Variants in ANKS1B observed in about 807,000 individuals in gnomAD.
ANKS1B encodes ankyrin repeat and sterile alpha motif domain-containing protein 1B.
ANKS1B carries 36 observed loss-of-function variants against 148.3 expected under a neutral mutation model. The observed-to-expected ratio is 0.24, with a 90% CI of 0.19 to 0.32. The LOEUF is 0.32. Among genes scored for constraint, ANKS1B ranks in the 10% least tolerant of loss-of-function variants. The pLI, the probability that ANKS1B is intolerant of heterozygous loss-of-function variation, is 1.00. For synonymous variants in ANKS1B, 542 were observed against 560.8 expected (o/e 0.97, Z 0.47); for missense variants, 1,157 against 1,542.6 (o/e 0.75, Z 4.19).
At chr12:98,979,407 A>G (rs1289538950) in intron 17 of ANKS1B, among the ~76,000 whole-genome samples, 1 of 151,682 alleles carries the variant, frequency 6.6e-6, no homozygotes, top group East Asian at 2.0e-4. Context: ...AGCTGGGACT[A>G]CAGGTGCATG....
chr12:99,333,289 A>T (rs943490797), intron 12 of ANKS1B, among the ~76,000 whole-genome samples: 1 of 152,072 alleles, frequency 6.6e-6, no homozygotes, highest in African/African-American at 2.4e-5. Context: ...CCAGTTAGAA[A>T]GTTATTGCAA....
chr12:99,423,740 G>C (rs899853988), intron 11 of ANKS1B, among the ~76,000 whole-genome samples: 1 of 152,110 alleles, frequency 6.6e-6, no homozygotes, highest in Non-Finnish European at 1.5e-5. Flanking sequence ...TGCAGGAACA[G>C]AAAACCAAAC....
chr12:99,464,179 C>T (rs1003641646), intron 10 of ANKS1B, among the ~76,000 whole-genome samples: 5 of 152,188 alleles, frequency 3.3e-5, no homozygotes, highest in Admixed American at 6.5e-5. Context: ...CCCAGGCAAA[C>T]AGGGTCTGGA....
intron 9 of ANKS1B, among the ~76,000 whole-genome samples, chr12:99,626,186 A>G (rs2098111535): frequency 6.6e-6 from 1 of 152,182 alleles, no homozygotes; most frequent in South Asian, 2.1e-4. Flanking sequence ...TTTCTGGGCT[A>G]AATATATGTT....
At chr12:98,871,400 A>G (rs1270526558) in intron 17 of ANKS1B, among the ~76,000 whole-genome samples, 1 of 152,228 alleles carries the variant, frequency 6.6e-6, no homozygotes, top group East Asian at 1.9e-4. Flanking sequence ...AGAGTACAAA[A>G]TATGAAATAA....
chr12:99,242,546 A>G (rs758156737), intron 14 of ANKS1B, among the ~76,000 whole-genome samples: 30 of 152,284 alleles, frequency 2.0e-4, no homozygotes, highest in South Asian at 1.5e-3. Context: ...AAACTACTTT[A>G]CAATTCATAT....
intron 2 of ANKS1B, among the ~76,000 whole-genome samples, chr12:99,814,988 T>G (rs2068915913): frequency 6.6e-6 from 1 of 151,756 alleles, no homozygotes; most frequent in Non-Finnish European, 1.5e-5. Context: ...CTTCTCCAAG[T>G]TACTGTCAAA....
At chr12:99,555,681 A>C (rs996890938) in intron 9 of ANKS1B, among the ~76,000 whole-genome samples, 3 of 152,194 alleles carry the variant, frequency 2.0e-5, no homozygotes, top group Admixed American at 6.5e-5. Flanking sequence ...CCTTTTCTAC[A>C]TCTATTGAGA....
chr12:98,784,705 A>C (rs964390467), intron 22 of ANKS1B, among the ~76,000 whole-genome samples: 1 of 152,234 alleles, frequency 6.6e-6, no homozygotes, highest in Non-Finnish European at 1.5e-5. Context: ...ACATGAAGGC[A>C]TCAGCGGTGG....
chr12:98,859,218 C>CA (rs1423076076), intron 17 of ANKS1B, among the ~76,000 whole-genome samples: 1 of 152,088 alleles, frequency 6.6e-6, no homozygotes, highest in African/African-American at 2.4e-5. Flanking sequence ...ACTCAAGTTA[C>CA]AAAAAATGAC....
Position 99,873,023 on chromosome 12 carries a change from T to A in ANKS1B, c.135-47634A>T, listed in dbSNP as rs1262442810. 2.6e-5 allele frequency among the ~76,000 whole-genome samples: 4 copies of A among 152,162 alleles called. No individual in the cohort carries two copies. The East Asian group carries it at 7.7e-4, about 29-fold the overall frequency. On this transcript the variant is annotated intron_variant, in intron 1 of 26. Transcript: ENST00000683438. ...CAAAATTTTGTGACCTTGGGCAAAT[T>A]TCTTAATCTGTGTTTCAATTTCCAT...
chr12:99,496,749 AGATTT>A (rs1353987045), intron 10 of ANKS1B, among the ~76,000 whole-genome samples: 1 of 152,120 alleles, frequency 6.6e-6, no homozygotes, highest in Non-Finnish European at 1.5e-5. Flanking sequence ...GGTCAGGATT[AGATTT>A]ATTTTGTACT....
At chr12:99,033,525 A>G (rs984103060) in intron 17 of ANKS1B, among the ~76,000 whole-genome samples, 1 of 152,162 alleles carries the variant, frequency 6.6e-6, no homozygotes. Context: ...TTAGCCAGGC[A>G]TGGTGAAGCA....
chr12:99,097,270 A>G (rs995544801), intron 15 of ANKS1B: 2 of 152,146 alleles, frequency 1.3e-5, no homozygotes, highest in Admixed American at 1.3e-4. Flanking sequence ...TGAAAGAAAG[A>G]TAAAGATGGA....
chr12:99,577,226 CCTG>C, intron 9 of ANKS1B, among the ~76,000 whole-genome samples: 1 of 151,194 alleles, frequency 6.6e-6, no homozygotes, highest in East Asian at 1.9e-4. Context: ...AATTTTCTGT[CCTG>C]CTATTTCACT....
intron 22 of ANKS1B, among the ~76,000 whole-genome samples, chr12:98,798,092 C>A (rs2098966283): frequency 6.6e-6 from 1 of 151,296 alleles, no homozygotes. Context: ...AGGAATCAAG[C>A]AGCCACTAAT....
intron 1 of ANKS1B, among the ~76,000 whole-genome samples, chr12:99,921,522 A>T (rs898695529): frequency 1.3e-5 from 2 of 152,198 alleles, no homozygotes; most frequent in Non-Finnish European, 2.9e-5. Flanking sequence ...AGTGTTTCAC[A>T]AATACAGTTT....
chr12:99,733,766 T>C (rs566909661), intron 8 of ANKS1B, among the ~76,000 whole-genome samples: 53 of 152,330 alleles, frequency 3.5e-4, no homozygotes, highest in African/African-American at 1.2e-3. Flanking sequence ...ATTCTTCTAG[T>C]TGGGGTGTTA....
chr12:98,750,252 A>G (rs1405235724), intron 26 of ANKS1B, among the ~76,000 whole-genome samples: 2 of 152,040 alleles, frequency 1.3e-5, no homozygotes, highest in East Asian at 1.9e-4. Flanking sequence ...ACTTCAGAGG[A>G]GATACAGCTC....
Sources: gnomAD v4.1 joint callset for allele counts (sites outside exome capture counted in the v4.1 genomes callset) on GRCh38, gnomAD v4.1.1 for gene constraint, MANE v1.5 for transcripts, NCBI Gene and HGNC (gene_info 2026-07-23, HGNC 2026-07-21) for gene names.